ELOVL1: variants seen among roughly 807,000 people sequenced by gnomAD.
ELOVL1 encodes the protein very long chain fatty acid elongase 1.
Under a neutral mutation model 37.8 loss-of-function variants are expected in ELOVL1, and 10 were observed. The ratio of observed to expected loss-of-function variants is 0.26; its 90% confidence interval spans 0.16 to 0.45. ELOVL1 has a LOEUF of 0.45. Among genes scored for constraint, ELOVL1 ranks in the 20% least tolerant of loss-of-function variants. The pLI, the probability that ELOVL1 is intolerant of heterozygous loss-of-function variation, is 1.00. For synonymous variants in ELOVL1, 133 were observed against 123.8 expected, an observed-to-expected ratio of 1.07 and a Z score of -0.49; for missense variants, 256 against 352.7, an observed-to-expected ratio of 0.73 and a Z score of 2.20.
intron 1 of ELOVL1, 30 bp downstream of exon 1, chr1:43,367,885 G>C (rs1248482184): frequency 1.3e-5 from 2 of 154,158 alleles, no homozygotes; most frequent in African/African-American, 4.8e-5. Flanking sequence ...GCGCCGGCAC[G>C]TGGAGAGTCC....
chr1:43,363,946 A>G lies in ELOVL1; in HGVS notation c.810T>C (p.Ala270=). Residue 270 remains alanine, a synonymous_variant, in exon 8 of 8, where the codon GCT becomes GCC. Coordinates refer to ENST00000372458, the MANE Select transcript of ELOVL1 (RefSeq NM_022821.4). ...TGGCCTTGACCTTGGCAATACCTGG[A>G]GCTCCATTTTGCTGAAGTGCACGGG... The part of the protein sequence containing the change: ...RLPRALQQNG[A]PGIAKVKAN 1 of 1,613,770 alleles carries G rather than the reference A, an allele frequency of 6.2e-7. No homozygotes were observed. The highest frequency in any genetic ancestry group is 8.5e-7 in the Non-Finnish European group (1 of 1,180,032).
Position 43,363,830 on chromosome 1 carries a change from G to T in ELOVL1, c.*86C>A. On this transcript the variant is annotated 3_prime_UTR_variant, in exon 8 of 8. Coordinates refer to ENST00000372458, the MANE Select transcript of ELOVL1 (RefSeq NM_022821.4). The stretch of plus-strand genomic sequence containing the variant: ...CCTGACCACATAAGCCTTGGTCACA[G>T]GTGTAGGTGGAGAGGGCACTGACGG... The T allele has an allele frequency of 8.0e-7, 1 of 1,255,542 alleles. No individual in the cohort carries two copies. The highest frequency in any genetic ancestry group is 1.2e-6 in the Non-Finnish European group (1 of 866,818). The allele number at this position is 1,255,542 out of a possible 1,614,324, so 77.8% of individuals were successfully genotyped here.
At chr1:43,365,727 C>T (rs546876444) in intron 1 of ELOVL1, 104 bp from the exon 2 acceptor site, 1 of 1,174,340 alleles carries the variant, frequency 8.5e-7, no homozygotes, top group African/African-American at 1.5e-5. Flanking sequence ...TGCCTCATTG[C>T]AGAAAGGACA....
At chr1:43,365,130 T>C (rs1354620142) in intron 3 of ELOVL1, 56 bp downstream of exon 3, 9 of 1,607,292 alleles carry the variant, frequency 5.6e-6, no homozygotes, top group East Asian at 4.5e-5. Context: ...TCTGGCTCTA[T>C]GGCCTGCTCC....
At position 43,364,667 on chromosome 1, in the gene ELOVL1, AG is replaced by A. The variant is rs1474621108; in HGVS notation, c.376-21del. Reference sequence around the variant, plus strand: ...GATCACCTGAGAGAAGAGTGAGGGAAGGGGATTCAGAACCTGGGCTTCTCCA... The same window carrying A: ...GATCACCTGAGAGAAGAGTGAGGGAAGGGATTCAGAACCTGGGCTTCTCCA... On this transcript the variant is annotated intron_variant, in intron 5 of 7. Coordinates refer to ENST00000372458, the MANE Select transcript of ELOVL1 (RefSeq NM_022821.4). The surrounding 1 kb of genome is among the most constrained non-coding windows in gnomAD (Gnocchi z 5.2). 1.2e-6 allele frequency: 2 copies of A among 1,614,016 alleles called. No homozygotes were observed. Among genetic ancestry groups the A allele is most frequent in the South Asian group, 1.1e-5 (1 of 91,084 alleles).
At chr1:43,366,035 T>C (rs991236446) in intron 1 of ELOVL1, among the ~76,000 whole-genome samples, 1 of 151,942 alleles carries the variant, frequency 6.6e-6, no homozygotes, top group African/African-American at 2.4e-5. Flanking sequence ...TCTGGGTCTT[T>C]CTTCTCTCCA....
rs754465886 is a variant in ELOVL1, at chr1:43,365,280, C to T, written c.143G>A (p.Arg48His). The T allele has an allele frequency of 3.1e-6, 5 of 1,614,038 alleles. No individual in the cohort carries two copies. The highest frequency in any genetic ancestry group is 2.2e-5 in the East Asian group (1 of 44,884). ...YVYFVLSLGPRIMANRKPFQL... is the reference protein window; with the variant it reads ...YVYFVLSLGPHIMANRKPFQL... ...GAAGGGCTTCCGATTAGCCATGATG[C>T]GAGGCCCAAGTGAGAGAACGAAGTA... Residue 48 changes from arginine (R) to histidine (H), a missense_variant, in exon 3 of 8, where the codon CGC (arginine) becomes CAC (histidine). Physicochemically the swap from Arg to His is conservative, Grantham distance 29. Coordinates refer to ENST00000372458, the MANE Select transcript of ELOVL1 (RefSeq NM_022821.4).
chr1:43,364,943 G>A lies in ELOVL1; in HGVS notation c.303C>T (p.Ser101=). 1 of 1,613,994 alleles carries A rather than the reference G, an allele frequency of 6.2e-7. No homozygotes were observed. The highest frequency in any genetic ancestry group is 8.5e-7 in the Non-Finnish European group (1 of 1,179,954). The change falls in exon 4 of 8, where the codon AGC becomes AGT. Residue 101 remains serine (S), a synonymous_variant. Transcript: ENST00000372458. The surrounding 1 kb of genome is among the most constrained non-coding windows in gnomAD (Gnocchi z 5.2). The part of the protein sequence containing the change: ...WRCDPVDYSN[S]PEALRMVRVA... ...CCCTACTTACCCTAAGTGCCTCAGG[G>A]CTGTTGGAATAGTCCACAGGGTCAC... is the stretch of plus-strand genomic sequence containing the variant.
Position 43,364,196 on chromosome 1 carries a change from G to A in ELOVL1, c.619-59C>T. On this transcript the variant is annotated intron_variant, in intron 7 of 7. Transcript: ENST00000372458. This position sits in a 1 kb window ranked among gnomAD's most constrained non-coding sequence, Gnocchi z 5.2. ...AGTGAGAGGACTAGAGGGGAAGAGG[G>A]GGTAGAGAAAGAGACAAACGTTGAG... 1 of 1,609,756 alleles carries A rather than the reference G, an allele frequency of 6.2e-7. No homozygotes were observed. The highest frequency in any genetic ancestry group is 1.1e-5 in the South Asian group (1 of 90,840).
intron 1 of ELOVL1, chr1:43,367,315 C>G (rs917341221): frequency 1.3e-5 from 2 of 152,492 alleles, no homozygotes; most frequent in African/African-American, 4.8e-5. Flanking sequence ...GCTGCCTGGC[C>G]ACGCTCGGAT....
rs2153923266 is a variant in ELOVL1 at position 43,364,860 on chromosome 1, T to C, written c.319-66A>G. The C allele has an allele frequency of 6.2e-7, 1 of 1,614,012 alleles. No homozygotes were observed. The highest frequency in any genetic ancestry group is 2.2e-5 in the East Asian group (1 of 44,894). On this transcript the variant is annotated intron_variant, in intron 4 of 7. Transcript: ENST00000372458. This position sits in a 1 kb window ranked among gnomAD's most constrained non-coding sequence, Gnocchi z 5.2. ...TCTAAGAGCCTCCCTAAACTGGGCCTTGAGCACAGGCCCCAAACTGGTCAT... is the reference window on the plus strand; with the variant it reads ...TCTAAGAGCCTCCCTAAACTGGGCCCTGAGCACAGGCCCCAAACTGGTCAT...
Position 43,364,909 on chromosome 1 carries a change from A to G in ELOVL1, c.318+19T>C. ...ATATCTACCAGGTTGCTTATGACCT[A>G]GCCCCAGCCCCTACTTACCCTAAGT... On this transcript the variant is annotated intron_variant, in intron 4 of 7. Coordinates refer to ENST00000372458, the MANE Select transcript of ELOVL1 (RefSeq NM_022821.4). This position sits in a 1 kb window ranked among gnomAD's most constrained non-coding sequence, Gnocchi z 5.2. The G allele has an allele frequency of 6.2e-7, 1 of 1,614,004 alleles. No homozygotes were observed. Among genetic ancestry groups the G allele is most frequent in the Non-Finnish European group, 8.5e-7 (1 of 1,179,928 alleles).
At position 43,365,334 on chromosome 1, in the gene ELOVL1, A is replaced by C; in HGVS notation, c.89T>G (p.Leu30Arg). The change falls in exon 3 of 8, where the codon CTA becomes CGA. Residue 30 changes from leucine (L) to arginine (R), a missense_variant. Leu to Arg is a moderately radical substitution (Grantham distance 102, BLOSUM62 -2). Transcript: ENST00000372458. ...QGYPLMGSPL[L>R]MTSILLTYVY... ...GTAGGTCAGGAGAATGGAGGTCATTAGCAAGGGGGACCCCATCAGAGGGTA... is the reference window on the plus strand; with the variant it reads ...GTAGGTCAGGAGAATGGAGGTCATTCGCAAGGGGGACCCCATCAGAGGGTA... The C allele has an allele frequency of 6.2e-7, 1 of 1,613,664 alleles. No homozygotes were observed. The highest frequency in any genetic ancestry group is 8.5e-7 in the Non-Finnish European group (1 of 1,179,800).
At chr1:43,366,759 G>A (rs529211288) in intron 1 of ELOVL1, among the ~76,000 whole-genome samples, 1 of 152,042 alleles carries the variant, frequency 6.6e-6, no homozygotes, top group South Asian at 2.1e-4. Context: ...TTGGGGAGTG[G>A]GGGAGGTCGC....
chr1:43,365,753 G>A, intron 1 of ELOVL1, 130 bp from the exon 2 acceptor site: 3 of 969,914 alleles, frequency 3.1e-6, no homozygotes, highest in Non-Finnish European at 4.9e-6. Context: ...GTGAAAGGAA[G>A]GAATTACTGG....
rs1261806398 is a variant in ELOVL1 at position 43,363,547 on chromosome 1, T to G, written c.*369A>C. On this transcript the variant is annotated 3_prime_UTR_variant, in exon 8 of 8. Coordinates refer to ENST00000372458, the MANE Select transcript of ELOVL1 (RefSeq NM_022821.4). ...TGGAGGAGTGAGACTGGGTCCACAG[T>G]GACATTATTGCTGACCTCTTCTGTG... 5.4e-6 allele frequency: 2 copies of G among 373,382 alleles called. No homozygotes were observed. The highest frequency in any genetic ancestry group is 9.8e-6 in the Non-Finnish European group (2 of 203,460). 23.1% of individuals were successfully genotyped at this position (373,382 alleles called of 1,614,324 possible).
Position 43,363,453 on chromosome 1 carries a change from C to T in ELOVL1, c.*463G>A, listed in dbSNP as rs1487014228. The T allele has an allele frequency of 7.2e-6, 3 of 417,466 alleles. No individual in the cohort carries two copies. The highest frequency in any genetic ancestry group is 8.9e-5 in the Admixed American group (2 of 22,530). The allele number at this position is 417,466 out of a possible 1,614,324, so 25.9% of individuals were successfully genotyped here. Reference sequence around the variant, plus strand: ...ACACAAGTTGAGTAAGCAGCCTCCACAGGCTGTATTCCCAGGCCCCCGCCC... The same window carrying T: ...ACACAAGTTGAGTAAGCAGCCTCCATAGGCTGTATTCCCAGGCCCCCGCCC... On this transcript the variant is annotated 3_prime_UTR_variant, in exon 8 of 8. Coordinates refer to ENST00000372458, the MANE Select transcript of ELOVL1 (RefSeq NM_022821.4).
rs1557477660 is a variant in ELOVL1, at chr1:43,365,571, C to T, written c.39G>A (p.Lys13=). The change falls in exon 2 of 8, where the codon AAG becomes AAA. Residue 13 remains lysine (K), a synonymous_variant. Transcript: ENST00000372458. ...TGGTGGATAGCGTCTTACCTGCGTG[C>T]TTCATCACCTCTTGGTACAAGTTCA... The part of the protein sequence containing the change: ...AVVNLYQEVM[K]HADPRIQGYP... 2.5e-6 allele frequency: 4 copies of T among 1,614,102 alleles called. No individual in the cohort carries two copies. In the African/African-American group the frequency reaches 4.0e-5, roughly 16 times the overall value.
chr1:43,363,459 G>A lies in ELOVL1; in HGVS notation c.*457C>T. ...GTTGAGTAAGCAGCCTCCACAGGCT[G>A]TATTCCCAGGCCCCCGCCCACCCTG... On this transcript the variant is annotated 3_prime_UTR_variant, in exon 8 of 8. Coordinates refer to ENST00000372458, the MANE Select transcript of ELOVL1 (RefSeq NM_022821.4). The A allele has an allele frequency of 2.4e-6, 1 of 408,786 alleles. No homozygotes were observed. Among genetic ancestry groups the A allele is most frequent in the Non-Finnish European group, 4.4e-6 (1 of 227,064 alleles). 25.3% of individuals were successfully genotyped at this position (408,786 alleles called of 1,614,324 possible).
Sources: allele counts gnomAD v4.1 joint callset (sites outside exome capture counted in the v4.1 genomes callset), GRCh38; gene constraint gnomAD v4.1.1; non-coding constraint Gnocchi (gnomAD v3.1); transcripts MANE v1.5; gene names NCBI Gene and HGNC (gene_info 2026-07-23, HGNC 2026-07-21).